The following ITGA8 variants were observed in gnomAD, a reference collection of about 807,000 sequenced individuals.
ITGA8 encodes integrin alpha-8.
A neutral mutation model predicts 142.3 loss-of-function variants in ITGA8; 91 were observed. The ratio of observed to expected loss-of-function variants is 0.64; its 90% CI spans 0.54 to 0.76. The LOEUF is 0.76. ITGA8 is among the 30% of genes least tolerant of loss of function. The probability of loss-of-function intolerance (pLI) is 0.00; values close to 1 mark genes in which losing one functional copy is unlikely to be tolerated. For synonymous variants in ITGA8, 505 were observed against 485.2 expected (o/e 1.04, Z -0.54); for missense variants, 1,406 against 1,327.7 (o/e 1.06, Z -0.92).
At chr10:15,562,604 GAACAAGTGAGACCATCATAAA>G (rs1229925464) in intron 25 of ITGA8, among the ~76,000 whole-genome samples, 1 of 152,208 alleles carries the variant, frequency 6.6e-6, no homozygotes, top group African/African-American at 2.4e-5. Flanking sequence ...TTCTTGAAGA[GAACAAGTGAGACCATCATAAA>G]AACAGGAGAT....
At chr10:15,522,937 G>A (rs1833097194) in intron 28 of ITGA8, among the ~76,000 whole-genome samples, 1 of 152,074 alleles carries the variant, frequency 6.6e-6, no homozygotes, top group African/African-American at 2.4e-5. Context: ...ACCTGAACCC[G>A]GGAGGGAGAG....
chr10:15,682,531 T>C (rs892145756), intron 4 of ITGA8, among the ~76,000 whole-genome samples: 8 of 152,192 alleles, frequency 5.3e-5, no homozygotes, highest in Non-Finnish European at 1.0e-4. Flanking sequence ...AATCTTCTCC[T>C]TGTTAAAAAT....
At chr10:15,603,634 G>T (rs1406802080) in intron 20 of ITGA8, among the ~76,000 whole-genome samples, 2 of 152,190 alleles carry the variant, frequency 1.3e-5, no homozygotes, top group African/African-American at 2.4e-5. Context: ...AAATAGCATT[G>T]TTGTCATTTA....
chr10:15,527,924 T>G (rs1833210117), intron 28 of ITGA8, among the ~76,000 whole-genome samples: 1 of 138,516 alleles, frequency 7.2e-6, no homozygotes, highest in Admixed American at 7.2e-5. Flanking sequence ...TTTTTTTTTT[T>G]TTTTTTTTTG....
In ITGA8 at chr10:15,672,655, C is replaced by G. The variant is rs767854132; in HGVS notation, c.771G>C (p.Val257=). The change falls in exon 7 of 30, where the codon GTG becomes GTC. Residue 257 remains valine, a synonymous_variant. Transcript: ENST00000378076. ...AACTGTCATCATAGGAAGCTGGAGC[C>G]ACTTCCGTCTGCTTTTCTCCTGCCA... The part of the protein sequence containing the change: ...RKLAGEKQTE[V]APASYDDSYL... 3 of 1,613,482 alleles carry G rather than the reference C, an allele frequency of 1.9e-6. No individual in the cohort carries two copies. The highest frequency in any genetic ancestry group is 2.5e-6 in the Non-Finnish European group (3 of 1,179,746).
intron 12 of ITGA8, among the ~76,000 whole-genome samples, chr10:15,646,244 T>C (rs545711288): frequency 1.3e-5 from 2 of 152,320 alleles, no homozygotes; most frequent in South Asian, 4.1e-4. Flanking sequence ...TAAAACTGAA[T>C]AAGAAATATT....
Position 15,701,547 on chromosome 10 carries a change from G to A in ITGA8, c.344-13509C>T, listed in dbSNP as rs560138389. ...GCAGGAGTGAGGGGATGTGGAATAT[G>A]GTGGACACGTGGGCTGTAAGCAGAT... On this transcript the variant is annotated intron_variant, in intron 2 of 29. Coordinates refer to ENST00000378076, the MANE Select transcript of ITGA8 (RefSeq NM_003638.3). Among the ~76,000 whole-genome samples, 19 of 152,204 alleles carry A rather than the reference G, an allele frequency of 1.2e-4. No homozygotes were observed. The South Asian group carries it at 3.7e-3, about 30-fold the overall frequency.
At chr10:15,526,778 A>G (rs1323851740) in intron 28 of ITGA8, among the ~76,000 whole-genome samples, 1 of 152,244 alleles carries the variant, frequency 6.6e-6, no homozygotes, top group East Asian at 1.9e-4. Flanking sequence ...TTTAGAAAGT[A>G]GTATTCATAA....
At chr10:15,659,220 A>T (rs1834241542) in intron 9 of ITGA8, among the ~76,000 whole-genome samples, 165 bp from the exon 10 acceptor site, 2 of 152,206 alleles carry the variant, frequency 1.3e-5, no homozygotes, top group African/African-American at 4.8e-5. Context: ...TTTAAAAAAA[A>T]AAAGCCGATT....
chr10:15,554,739 CTTT>C (rs1833858322), intron 26 of ITGA8, among the ~76,000 whole-genome samples: 1 of 149,466 alleles, frequency 6.7e-6, no homozygotes, highest in African/African-American at 2.5e-5. Flanking sequence ...TTCTTTCTTT[CTTT>C]CTTTCTTTTT....
intron 13 of ITGA8, among the ~76,000 whole-genome samples, chr10:15,634,537 G>A (rs547505422): frequency 3.7e-4 from 56 of 152,256 alleles, no homozygotes; most frequent in South Asian, 6.2e-4. Flanking sequence ...ATTCGGGCCC[G>A]TGAGAGCAGG....
intron 25 of ITGA8, among the ~76,000 whole-genome samples, chr10:15,564,700 T>C (rs937533882): frequency 6.6e-6 from 1 of 152,144 alleles, no homozygotes; most frequent in Non-Finnish European, 1.5e-5. Context: ...AATGTGGCAT[T>C]TGAAAAAAGG....
intron 11 of ITGA8, among the ~76,000 whole-genome samples, chr10:15,649,440 C>T (rs1834045972): frequency 6.6e-6 from 1 of 151,610 alleles, no homozygotes; most frequent in East Asian, 1.9e-4. Context: ...ACCAGCCTGG[C>T]CAATATGGTG....
chr10:15,695,191 C>A (rs1213505688), intron 2 of ITGA8, among the ~76,000 whole-genome samples: 1 of 152,052 alleles, frequency 6.6e-6, no homozygotes, highest in African/African-American at 2.4e-5. Flanking sequence ...ACCAAGGGTA[C>A]AAATGAACGG....
At chr10:15,702,243 A>C (rs189869424) in intron 2 of ITGA8, among the ~76,000 whole-genome samples, 1 of 152,002 alleles carries the variant, frequency 6.6e-6, no homozygotes, top group African/African-American at 2.4e-5. Context: ...TAATTTTCTT[A>C]TCTTTACCTG....
chr10:15,658,096 A>G (rs1048722418), intron 10 of ITGA8, among the ~76,000 whole-genome samples: 1 of 152,220 alleles, frequency 6.6e-6, no homozygotes, highest in Non-Finnish European at 1.5e-5. Context: ...GTGCCAGGGA[A>G]TCTTCTAAGT....
At chr10:15,637,157 TA>T (rs917317589) in intron 13 of ITGA8, among the ~76,000 whole-genome samples, 8 of 152,210 alleles carry the variant, frequency 5.3e-5, no homozygotes, top group Admixed American at 1.3e-4. Context: ...AATCAGATTT[TA>T]AACAGAGGCT....
chr10:15,588,103 G>A lies in ITGA8; in HGVS notation c.2292-1439C>T, dbSNP rs114294996. Reference sequence around the variant, plus strand: ...TCATCAAACCTCACTCTGATTCGATGGACAAGCTCTAGCACCAAGATGATG... The same window carrying A: ...TCATCAAACCTCACTCTGATTCGATAGACAAGCTCTAGCACCAAGATGATG... On this transcript the variant is annotated intron_variant, in intron 22 of 29. Transcript: ENST00000378076. Among the ~76,000 whole-genome samples, 472 of 152,188 alleles carry A rather than the reference G, an allele frequency of 3.1e-3. 9 individuals carry two copies. The highest frequency in any genetic ancestry group is 0.011 in the African/African-American group (458 of 41,528).
At chr10:15,619,069 G>A (rs76116014) in intron 13 of ITGA8, among the ~76,000 whole-genome samples, 201 of 152,260 alleles carry the variant, frequency 1.3e-3, no homozygotes, top group African/African-American at 4.0e-3. Flanking sequence ...GGATAGCTGA[G>A]GTTTGTTCTT....
Sources: gnomAD v4.1 joint callset for allele counts (sites outside exome capture counted in the v4.1 genomes callset) on GRCh38, gnomAD v4.1.1 for gene constraint, MANE v1.5 for transcripts, NCBI Gene and HGNC (gene_info 2026-07-23, HGNC 2026-07-21) for gene names.